ZNF385B: variants seen among roughly 807,000 people sequenced by gnomAD.
ZNF385B encodes zinc finger protein 533.
A neutral mutation model predicts 39.2 loss-of-function variants in ZNF385B; 23 were observed. That is an observed-to-expected ratio of 0.59 (90% CI 0.42 to 0.83). The LOEUF is 0.83. ZNF385B is among the 40% of genes least tolerant of loss of function. The pLI, the probability that ZNF385B is intolerant of heterozygous loss-of-function variation, is 0.00. For missense variants in ZNF385B, 552 were observed against 598.9 expected (o/e 0.92, Z 0.82); for synonymous variants, 205 against 222.6 (o/e 0.92, Z 0.70).
At chr2:179,705,675 TGAA>T (rs1699537880) in intron 3 of ZNF385B, among the ~76,000 whole-genome samples, 1 of 152,208 alleles carries the variant, frequency 6.6e-6, no homozygotes, top group South Asian at 2.1e-4. Flanking sequence ...GTAAGAGAAA[TGAA>T]GAAGATGAAA....
chr2:179,804,824 C>T (rs1429545926), intron 1 of ZNF385B, among the ~76,000 whole-genome samples: 1 of 152,218 alleles, frequency 6.6e-6, no homozygotes, highest in Non-Finnish European at 1.5e-5. Context: ...CTCCTTTGTG[C>T]CTCTGTTCTT....
chr2:179,747,592 A>G (rs1702456917), intron 3 of ZNF385B, among the ~76,000 whole-genome samples: 2 of 152,136 alleles, frequency 1.3e-5, no homozygotes, highest in South Asian at 4.1e-4. Flanking sequence ...TTCATGAGAG[A>G]TTGTATGCCT....
chr2:179,599,069 C>T (rs1292358338), intron 3 of ZNF385B, among the ~76,000 whole-genome samples: 2 of 152,056 alleles, frequency 1.3e-5, no homozygotes, highest in Admixed American at 6.6e-5. Flanking sequence ...AGTCATGAGT[C>T]GCGTAATGAT....
chr2:179,709,487 T>C (rs1017983788), intron 3 of ZNF385B, among the ~76,000 whole-genome samples: 2 of 152,150 alleles, frequency 1.3e-5, no homozygotes, highest in African/African-American at 4.8e-5. Context: ...GGCATGCATA[T>C]AACAGTCTAC....
At chr2:179,658,547 A>G (rs991136262) in intron 3 of ZNF385B, among the ~76,000 whole-genome samples, 1 of 152,228 alleles carries the variant, frequency 6.6e-6, no homozygotes, top group Admixed American at 6.5e-5. Flanking sequence ...CCTATTTCCT[A>G]GACTAGTACT....
chr2:179,756,603 C>T (rs553223352), intron 3 of ZNF385B, among the ~76,000 whole-genome samples: 3 of 152,232 alleles, frequency 2.0e-5, no homozygotes, highest in Admixed American at 6.5e-5. Flanking sequence ...CTCCCCATCA[C>T]TTTCAGGTAC....
At chr2:179,634,973 C>CAAAA (rs66671134) in intron 3 of ZNF385B, among the ~76,000 whole-genome samples, 35 of 115,608 alleles carry the variant, frequency 3.0e-4, no homozygotes, top group Admixed American at 5.1e-4. Context: ...ACTAAAAATA[C>CAAAA]AAAAAAAAAA....
At chr2:179,505,018 A>C (rs2057125253) in intron 5 of ZNF385B, among the ~76,000 whole-genome samples, 1 of 152,188 alleles carries the variant, frequency 6.6e-6, no homozygotes, top group East Asian at 1.9e-4. Context: ...GTATAATTCC[A>C]TTTATATGAA....
intron 1 of ZNF385B, among the ~76,000 whole-genome samples, chr2:179,830,796 T>C (rs149780322): frequency 1.6e-4 from 24 of 152,310 alleles, no homozygotes; most frequent in African/African-American, 4.3e-4. Context: ...CATGACAATA[T>C]GTATCTCGCA....
intron 3 of ZNF385B, among the ~76,000 whole-genome samples, chr2:179,718,420 G>GATAT (rs1275649314): frequency 2.0e-5 from 3 of 146,388 alleles, no homozygotes; most frequent in Admixed American, 6.9e-5. Context: ...TTATCATAAA[G>GATAT]ATATATATAT....
intron 3 of ZNF385B, among the ~76,000 whole-genome samples, chr2:179,602,267 T>C (rs1688467771): frequency 6.6e-6 from 1 of 152,190 alleles, no homozygotes; most frequent in Admixed American, 6.6e-5. Flanking sequence ...CTTTCTTTCT[T>C]GAGACAAAGG....
intron 3 of ZNF385B, among the ~76,000 whole-genome samples, chr2:179,554,037 T>G (rs1479646415): frequency 1.3e-5 from 2 of 148,880 alleles, no homozygotes; most frequent in African/African-American, 2.5e-5. Flanking sequence ...TTTCTATAAT[T>G]AAGAAAAATA....
intron 1 of ZNF385B, among the ~76,000 whole-genome samples, chr2:179,781,154 T>G (rs898759818): frequency 2.6e-5 from 4 of 152,152 alleles, no homozygotes; most frequent in Admixed American, 6.5e-5. Context: ...GATTCTGAAA[T>G]GTATATAAAA....
intron 5 of ZNF385B, among the ~76,000 whole-genome samples, chr2:179,485,134 T>C (rs779738350): frequency 6.6e-6 from 1 of 152,140 alleles, no homozygotes; most frequent in Non-Finnish European, 1.5e-5. Flanking sequence ...GGATTGAATA[T>C]GAGAGAAAAG....
intron 3 of ZNF385B, among the ~76,000 whole-genome samples, chr2:179,591,969 C>T (rs1687602699): frequency 6.6e-6 from 1 of 151,928 alleles, no homozygotes. Flanking sequence ...CCTATATAGT[C>T]CATAGTGTGA....
intron 1 of ZNF385B, among the ~76,000 whole-genome samples, chr2:179,808,343 T>C (rs1265304909): frequency 6.6e-6 from 1 of 152,204 alleles, no homozygotes; most frequent in African/African-American, 2.4e-5. Flanking sequence ...ATAATTTTTA[T>C]ATGATACATG....
At chr2:179,797,339 T>C (rs1265203820) in intron 1 of ZNF385B, among the ~76,000 whole-genome samples, 1 of 152,208 alleles carries the variant, frequency 6.6e-6, no homozygotes, top group Non-Finnish European at 1.5e-5. Context: ...ATTTTACCTA[T>C]AAATATTTTA....
chr2:179,650,842 T>C (rs557397267), intron 3 of ZNF385B, among the ~76,000 whole-genome samples: 3 of 152,326 alleles, frequency 2.0e-5, no homozygotes, highest in South Asian at 4.1e-4. Flanking sequence ...GGCTGACTGA[T>C]AGGTAATCCT....
intron 3 of ZNF385B, among the ~76,000 whole-genome samples, chr2:179,570,254 G>C (rs1685058465): frequency 6.6e-6 from 1 of 152,288 alleles, no homozygotes; most frequent in Admixed American, 6.5e-5. Flanking sequence ...ACAGAACATG[G>C]GAGGGGGAAA....
Sources: allele counts gnomAD v4.1 joint callset (sites outside exome capture counted in the v4.1 genomes callset), GRCh38; gene constraint gnomAD v4.1.1; transcripts MANE v1.5; gene names NCBI Gene and HGNC (gene_info 2026-07-23, HGNC 2026-07-21).